Variants in MGAT4C observed in about 807,000 individuals in gnomAD.
MGAT4C encodes MGAT4 family member C, also known as alpha-1,3-mannosyl-glycoprotein 4-beta-N-acetylglucosaminyltransferase C.
In MGAT4C, 19 loss-of-function variants were observed where a neutral mutation model predicts 40.1. The ratio of observed to expected loss-of-function variants is 0.47; its 90% confidence interval spans 0.33 to 0.70. The LOEUF (loss-of-function observed/expected upper bound fraction) is 0.70, where lower values mean the gene tolerates loss of function less well. MGAT4C is among the 30% of genes least tolerant of loss of function. The pLI is 0.02. For missense variants in MGAT4C, 491 were observed against 563.2 expected (o/e 0.87, Z 1.30); for synonymous variants, 181 against 187.1 (o/e 0.97, Z 0.27).
intron 1 of MGAT4C, among the ~76,000 whole-genome samples, chr12:86,145,104 T>C (rs1037360815): frequency 6.6e-6 from 1 of 152,180 alleles, no homozygotes; most frequent in East Asian, 1.9e-4. Context: ...TATACAACTT[T>C]TAAATGGTGT....
At chr12:86,284,512 C>G (rs1953299824) in intron 4 of MGAT4C, among the ~76,000 whole-genome samples, 1 of 151,842 alleles carries the variant, frequency 6.6e-6, no homozygotes, top group South Asian at 2.1e-4. Context: ...AAAAACAAAT[C>G]ATATATCCCT....
At chr12:86,082,185 C>T (rs1378132684) in intron 1 of MGAT4C, among the ~76,000 whole-genome samples, 1 of 152,088 alleles carries the variant, frequency 6.6e-6, no homozygotes, top group Non-Finnish European at 1.5e-5. Flanking sequence ...GCCTGAGAAC[C>T]AGAAGACAGT....
chr12:86,697,771 A>G (rs760874336), intron 2 of MGAT4C, among the ~76,000 whole-genome samples: 8 of 152,156 alleles, frequency 5.3e-5, no homozygotes, highest in Non-Finnish European at 1.2e-4. Context: ...TGACAGTGAC[A>G]AAGGTAATGC....
At chr12:86,770,236 T>A (rs994693342) in intron 1 of MGAT4C, among the ~76,000 whole-genome samples, 4 of 151,966 alleles carry the variant, frequency 2.6e-5, no homozygotes, top group African/African-American at 9.7e-5. Context: ...GCAACAATAG[T>A]GTAGATATGG....
chr12:86,615,960 T>A (rs1427584016), intron 2 of MGAT4C, among the ~76,000 whole-genome samples: 2 of 152,074 alleles, frequency 1.3e-5, no homozygotes, highest in Non-Finnish European at 2.9e-5. Flanking sequence ...ATAGAGTATT[T>A]AATTTAGCTT....
chr12:86,803,938 A>T (rs1337340533), intron 1 of MGAT4C, among the ~76,000 whole-genome samples: 1 of 144,136 alleles, frequency 6.9e-6, no homozygotes, highest in East Asian at 2.1e-4. Flanking sequence ...ATGACTATAA[A>T]TCATGCTGCT....
At chr12:86,188,890 T>C (rs939011811) in intron 1 of MGAT4C, among the ~76,000 whole-genome samples, 3 of 151,932 alleles carry the variant, frequency 2.0e-5, no homozygotes, top group Admixed American at 2.0e-4. Context: ...AAATGCTACA[T>C]TTTAAATAAA....
intron 1 of MGAT4C, among the ~76,000 whole-genome samples, chr12:86,140,568 T>G (rs1882689488): frequency 6.6e-6 from 1 of 152,064 alleles, no homozygotes. Flanking sequence ...GATGACGGGT[T>G]GATGGGTGCA....
intron 1 of MGAT4C, among the ~76,000 whole-genome samples, chr12:86,242,739 A>G (rs1951842854): frequency 1.3e-5 from 2 of 152,038 alleles, no homozygotes; most frequent in African/African-American, 2.4e-5. Flanking sequence ...ATCCAACCTT[A>G]CCTTTATACA....
chr12:86,132,037 G>A (rs1450066128), intron 1 of MGAT4C, among the ~76,000 whole-genome samples: 1 of 152,086 alleles, frequency 6.6e-6, no homozygotes, highest in East Asian at 1.9e-4. Context: ...TTGATGGTAA[G>A]AATTTAGTCT....
chr12:86,246,126 G>C (rs1168207536), intron 1 of MGAT4C, among the ~76,000 whole-genome samples: 6 of 144,278 alleles, frequency 4.2e-5, no homozygotes, highest in Non-Finnish European at 7.6e-5. Context: ...ATGTCTTAGA[G>C]TTTAAGAGCT....
At chr12:86,691,080 T>G (rs1191173019) in intron 2 of MGAT4C, among the ~76,000 whole-genome samples, 1 of 152,212 alleles carries the variant, frequency 6.6e-6, no homozygotes, top group Non-Finnish European at 1.5e-5. Context: ...ACACCTAAAC[T>G]TTTGAGGCTT....
intron 2 of MGAT4C, among the ~76,000 whole-genome samples, chr12:86,017,416 G>A (rs1409406410): frequency 6.6e-6 from 1 of 152,108 alleles, no homozygotes; most frequent in Non-Finnish European, 1.5e-5. Flanking sequence ...ACTTAACTTT[G>A]TCTACTAAGA....
chr12:86,162,175 C>T (rs1885662989), intron 1 of MGAT4C, among the ~76,000 whole-genome samples: 4 of 152,068 alleles, frequency 2.6e-5, no homozygotes, highest in Admixed American at 2.6e-4. Context: ...AATCATTCTA[C>T]CAAAAAGACA....
intron 2 of MGAT4C, among the ~76,000 whole-genome samples, chr12:86,487,616 C>A (rs1958044280): frequency 6.6e-6 from 1 of 152,178 alleles, no homozygotes; most frequent in Non-Finnish European, 1.5e-5. Flanking sequence ...CTATTTCTAA[C>A]TACCAATGGT....
At chr12:86,647,078 G>C (rs1963560853) in intron 2 of MGAT4C, among the ~76,000 whole-genome samples, 1 of 151,790 alleles carries the variant, frequency 6.6e-6, no homozygotes, top group Non-Finnish European at 1.5e-5. Context: ...TGAGAGACAT[G>C]GAAACATCGG....
intron 4 of MGAT4C, among the ~76,000 whole-genome samples, chr12:86,324,796 T>G (rs1954487167): frequency 6.6e-6 from 1 of 152,050 alleles, no homozygotes; most frequent in Non-Finnish European, 1.5e-5. Context: ...GTTGGAATGT[T>G]TATTTGGTTT....
chr12:86,650,861 C>G (rs1467976189), intron 2 of MGAT4C, among the ~76,000 whole-genome samples: 1 of 151,874 alleles, frequency 6.6e-6, no homozygotes, highest in Non-Finnish European at 1.5e-5. Context: ...AAGCACTGAA[C>G]CTTTTGGTGA....
At chr12:86,557,213 T>G (rs751548126) in intron 2 of MGAT4C, among the ~76,000 whole-genome samples, 2 of 152,230 alleles carry the variant, frequency 1.3e-5, no homozygotes, top group Non-Finnish European at 2.9e-5. Context: ...ATAAACATTT[T>G]GTATCTAAAA....
Sources: allele counts gnomAD v4.1 joint callset (sites outside exome capture counted in the v4.1 genomes callset), GRCh38; gene constraint gnomAD v4.1.1; transcripts MANE v1.5; gene names NCBI Gene and HGNC (gene_info 2026-07-23, HGNC 2026-07-21).